The following PUM1 variants were observed in gnomAD, a reference collection of about 807,000 sequenced individuals.
The protein encoded by PUM1 is pumilio RNA binding family member 1, also known as pumilio homolog 1.
In PUM1, 13 loss-of-function variants were observed where a neutral mutation model predicts 131.8. The ratio of observed to expected loss-of-function variants is 0.10; its 90% CI spans 0.06 to 0.16. The LOEUF is 0.16. Among genes scored for constraint, PUM1 ranks in the 10% least tolerant of loss-of-function variants. The probability of loss-of-function intolerance (pLI) is 1.00; values close to 1 mark genes in which losing one functional copy is unlikely to be tolerated. For synonymous variants in PUM1, 509 were observed against 556.5 expected (o/e 0.91, Z 1.20); for missense variants, 961 against 1,512.4 (o/e 0.64, Z 6.05).
rs370489076 is a variant in PUM1 at position 31,048,528 on chromosome 1, G to A, written c.363+10676C>T. ...CTCGCTCTGTCGCCCAGGCTGGAGT[G>A]CAATGGTGCGATCTCGGCTCACTGC... On this transcript the variant is annotated intron_variant, in intron 2 of 21. Coordinates refer to ENST00000426105, the MANE Select transcript of PUM1 (RefSeq NM_001020658.2). 3.3e-5 allele frequency among the ~76,000 whole-genome samples: 5 copies of A among 150,676 alleles called. No homozygotes were observed. In the East Asian group the frequency reaches 1.0e-3, roughly 30 times the overall value.
intron 5 of PUM1, 106 bp downstream of exon 5, chr1:31,005,747 C>T (rs1166841954): frequency 1.2e-5 from 13 of 1,101,220 alleles, no homozygotes; most frequent in Non-Finnish European, 1.4e-5. Context: ...ATGCTGTGAA[C>T]ATCTAAGGAA....
intron 16 of PUM1, among the ~76,000 whole-genome samples, chr1:30,950,667 C>G (rs1328953089): frequency 6.6e-6 from 1 of 152,238 alleles, no homozygotes; most frequent in Non-Finnish European, 1.5e-5. Context: ...TGAGACCAGC[C>G]TCGCCAACAT....
chr1:31,030,223 C>CA (rs1237951836), intron 2 of PUM1, among the ~76,000 whole-genome samples: 10 of 151,266 alleles, frequency 6.6e-5, no homozygotes, highest in Admixed American at 6.6e-4. Flanking sequence ...AAAAACAAAA[C>CA]AAAAAAAAGA....
Position 31,045,356 on chromosome 1 carries a change from G to A in PUM1, c.363+13848C>T, listed in dbSNP as rs1051629294. ...TTTCACCATGTTGGCCAGGCAGGTC[G>A]CGAACTCCTGGCCTCAGACGATCCA... On this transcript the variant is annotated intron_variant, in intron 2 of 21. Coordinates refer to ENST00000426105, the MANE Select transcript of PUM1 (RefSeq NM_001020658.2). Among the ~76,000 whole-genome samples the A allele has an allele frequency of 5.3e-5, 8 of 150,658 alleles. No individual in the cohort carries two copies. In the East Asian group the frequency reaches 1.4e-3, roughly 26 times the overall value.
intron 7 of PUM1, among the ~76,000 whole-genome samples, chr1:30,985,434 C>T (rs1641512736): frequency 6.6e-6 from 1 of 152,100 alleles, no homozygotes; most frequent in Non-Finnish European, 1.5e-5. Flanking sequence ...AGGCGGATCA[C>T]CTGAGGTCAG....
intron 5 of PUM1, among the ~76,000 whole-genome samples, chr1:30,996,600 T>C (rs761658010): frequency 7.9e-5 from 12 of 152,214 alleles, no homozygotes; most frequent in Non-Finnish European, 1.8e-4. Flanking sequence ...AGAAAGGATA[T>C]ACAACTTAGC....
In PUM1 at chr1:31,047,138, G is replaced by A. The variant is rs138896980; in HGVS notation, c.363+12066C>T. On this transcript the variant is annotated intron_variant, in intron 2 of 21. Transcript: ENST00000426105. Reference sequence around the variant, plus strand: ...CGGGAGGTGGAAGCTGTGGTAAGCCGAGATTGCACCATTGCACTCCAGCCT... The same window carrying A: ...CGGGAGGTGGAAGCTGTGGTAAGCCAAGATTGCACCATTGCACTCCAGCCT... Among the ~76,000 whole-genome samples, 858 of 152,210 alleles carry A rather than the reference G, an allele frequency of 5.6e-3. 5 individuals are homozygous for A. The highest frequency in any genetic ancestry group is 8.7e-3 in the Admixed American group (133 of 15,288).
chr1:30,953,568 C>T, intron 15 of PUM1, 146 bp downstream of exon 15: 1 of 839,540 alleles, frequency 1.2e-6, no homozygotes, highest in Non-Finnish European at 1.9e-6. Flanking sequence ...TTCTTAAATC[C>T]CTATGAAATA....
intron 14 of PUM1, among the ~76,000 whole-genome samples, chr1:30,961,817 C>G (rs920291439): frequency 1.3e-5 from 2 of 151,878 alleles, no homozygotes; most frequent in African/African-American, 4.8e-5. Context: ...TTAAGCCACG[C>G]TGAATTTTAA....
chr1:31,014,451 G>A (rs1642738578), intron 3 of PUM1, among the ~76,000 whole-genome samples: 1 of 151,482 alleles, frequency 6.6e-6, no homozygotes, highest in African/African-American at 2.4e-5. Context: ...ACCAGCCTGA[G>A]CAACATGCCA....
intron 14 of PUM1, among the ~76,000 whole-genome samples, chr1:30,963,137 T>A (rs1570142683): frequency 6.6e-6 from 1 of 152,208 alleles, no homozygotes; most frequent in African/African-American, 2.4e-5. Flanking sequence ...AAATAATACC[T>A]ATACCTTCCA....
chr1:30,955,683 C>A (rs941505640), intron 14 of PUM1, among the ~76,000 whole-genome samples: 1 of 152,016 alleles, frequency 6.6e-6, no homozygotes, highest in African/African-American at 2.4e-5. Flanking sequence ...GAAAAGTCAT[C>A]CAATATTAAC....
At chr1:30,996,647 C>T (rs371472669) in intron 5 of PUM1, among the ~76,000 whole-genome samples, 2 of 152,316 alleles carry the variant, frequency 1.3e-5, no homozygotes, top group Non-Finnish European at 2.9e-5. Flanking sequence ...ACAGCTTTGA[C>T]GGCCATTGAG....
At chr1:30,979,965 G>A (rs1475956569) in intron 9 of PUM1, 97 bp downstream of exon 9, 10 of 809,836 alleles carry the variant, frequency 1.2e-5, no homozygotes, top group Non-Finnish European at 1.9e-5. Flanking sequence ...AATCTCCACT[G>A]GAGACATGGA....
chr1:30,954,611 T>C (rs985354037), intron 14 of PUM1, among the ~76,000 whole-genome samples: 2 of 152,186 alleles, frequency 1.3e-5, no homozygotes, highest in African/African-American at 2.4e-5. Context: ...CGAGTTTTCA[T>C]TACAAATGGA....
chr1:31,041,544 G>A (rs1004701242), intron 2 of PUM1, among the ~76,000 whole-genome samples: 11 of 152,016 alleles, frequency 7.2e-5, no homozygotes, highest in Non-Finnish European at 2.9e-5. Flanking sequence ...CTGGGTCATG[G>A]GGGCCCATCC....
At chr1:31,018,811 G>C (rs561746051) in intron 3 of PUM1, among the ~76,000 whole-genome samples, 2 of 152,328 alleles carry the variant, frequency 1.3e-5, no homozygotes, top group South Asian at 4.1e-4. Flanking sequence ...AGAGACAGCT[G>C]AGTGCAAAAG....
intron 21 of PUM1, among the ~76,000 whole-genome samples, chr1:30,935,326 G>A (rs569619165): frequency 7.2e-5 from 11 of 152,252 alleles, no homozygotes; most frequent in East Asian, 1.9e-4. Flanking sequence ...GTATCACTCC[G>A]TTAGAGAGCC....
chr1:31,051,057 G>A (rs890092492), intron 2 of PUM1: 1 of 152,790 alleles, frequency 6.5e-6, no homozygotes, highest in Non-Finnish European at 1.5e-5. Context: ...GTTGGACGAA[G>A]TGATCTTCCT....
Sources: allele counts gnomAD v4.1 joint callset (sites outside exome capture counted in the v4.1 genomes callset), GRCh38; gene constraint gnomAD v4.1.1; transcripts MANE v1.5; gene names NCBI Gene and HGNC (gene_info 2026-07-23, HGNC 2026-07-21).